Variants in WDFY4 observed in about 807,000 individuals in gnomAD.
The protein encoded by WDFY4 is WDFY family member 4.
A neutral mutation model predicts 351.9 loss-of-function variants in WDFY4; 169 were observed. That is an observed-to-expected ratio of 0.48 (90% CI 0.42 to 0.55). WDFY4 has a LOEUF of 0.55. Ranked by LOEUF, WDFY4 falls within the 20% of genes least tolerant of loss-of-function variation. The probability of loss-of-function intolerance (pLI) is 0.00; values close to 1 mark genes in which losing one functional copy is unlikely to be tolerated. For missense variants in WDFY4, 3,803 were observed against 3,935.6 expected (o/e 0.97, Z 0.90); for synonymous variants, 1,622 against 1,574.6 (o/e 1.03, Z -0.71).
Position 48,709,949 on chromosome 10 carries a change from C to T in WDFY4, c.217C>T (p.Leu73Phe). The change falls in exon 2 of 62, where the codon CTC (leucine) becomes TTC (phenylalanine). Residue 73 changes from leucine to phenylalanine, a missense_variant. Around this residue, in one of 3 missense-constraint regions of WDFY4, gnomAD observed 488 missense variants for 456.8 expected, o/e 1.07. Transcript: ENST00000325239. ...GCGTCAGAAGAGCCTGTTGAGTCTT[C>T]TCCCCCTATTCCTAAAGGTTAGTGT... is the stretch of plus-strand genomic sequence containing the variant. ...IERQKSLLSL[L>F]PLFLKAWEHS... is the part of the protein sequence containing the mutation. 6.4e-7 allele frequency: 1 copy of T among 1,551,776 alleles called. No individual in the cohort carries two copies. The highest frequency in any genetic ancestry group is 8.7e-7 in the Non-Finnish European group (1 of 1,146,830).
chr10:48,811,560 C>T lies in WDFY4; in HGVS notation c.5066C>T (p.Pro1689Leu), dbSNP rs1437126662. 27 of 1,552,182 alleles carry T rather than the reference C, an allele frequency of 1.7e-5. No individual in the cohort carries two copies. The Middle Eastern group carries it at 8.3e-4, about 48-fold the overall frequency. The change falls in exon 30 of 62, where the codon CCA becomes CTA. Residue 1689 changes from proline (P) to leucine (L), a missense_variant. Physicochemically the swap from Pro to Leu is moderately conservative, Grantham distance 98. Transcript: ENST00000325239. Reference sequence around the variant, plus strand: ...ATAGACAACCTGAAGAGCCAGTCACCACTGCCTGAGCAAAGCCCATGCCTG... The same window carrying T: ...ATAGACAACCTGAAGAGCCAGTCACTACTGCCTGAGCAAAGCCCATGCCTG... ...IVMDNLKSQS[P>L]LPEQSPCLLP...
chr10:48,727,404 T>G, intron 6 of WDFY4, 66 bp from the exon 7 acceptor site: 1 of 1,471,318 alleles, frequency 6.8e-7, no homozygotes, highest in East Asian at 2.5e-5. Context: ...GGGAGGTAGG[T>G]GGACCATGGC....
intron 35 of WDFY4, 138 bp downstream of exon 35, chr10:48,822,675 T>G: frequency 8.8e-7 from 1 of 1,136,606 alleles, no homozygotes; most frequent in Non-Finnish European, 1.2e-6. Flanking sequence ...AGGAGGCCCT[T>G]TAGTCCCAGG....
chr10:48,822,552 C>A lies in WDFY4; in HGVS notation c.5982+15C>A. The A allele has an allele frequency of 6.6e-7, 1 of 1,517,870 alleles. No individual in the cohort carries two copies. The highest frequency in any genetic ancestry group is 8.9e-7 in the Non-Finnish European group (1 of 1,126,076). The allele number at this position is 1,517,870 out of a possible 1,614,324, so 94.0% of individuals were successfully genotyped here. A position where few individuals can be genotyped will look rare whatever the true frequency, so the allele number is the denominator to read the frequency against. ...ACATCATGGTGGTAAGAGCTGCTCA[C>A]TGACCGGGTATCTGTGTGGATCTGA... On this transcript the variant is annotated intron_variant, in intron 35 of 61. Coordinates refer to ENST00000325239, the MANE Select transcript of WDFY4 (RefSeq NM_001394531.1).
Position 48,810,593 on chromosome 10 carries a change from C to T in WDFY4, c.4902C>T (p.His1634=), listed in dbSNP as rs1173947556. 5.2e-6 allele frequency: 8 copies of T among 1,551,602 alleles called. No homozygotes were observed. The South Asian group carries it at 8.3e-5, about 16-fold the overall frequency. ...PDWFLLLLQG[H]LHASTTVLAL... ...GGTTCCTGCTGCTCCTGCAGGGCCA[C>T]CTGCATGCCAGCACCACTGTGCTGG... is the stretch of plus-strand genomic sequence containing the variant. The change falls in exon 29 of 62, where the codon CAC becomes CAT. Residue 1634 remains histidine (H), a synonymous_variant. Transcript: ENST00000325239.
chr10:48,798,467 G>C (rs1278892431), intron 24 of WDFY4, among the ~76,000 whole-genome samples: 1 of 152,152 alleles, frequency 6.6e-6, no homozygotes, highest in Non-Finnish European at 1.5e-5. Flanking sequence ...ACAGAAGAAT[G>C]AGCAATTAGA....
intron 39 of WDFY4, among the ~76,000 whole-genome samples, chr10:48,860,927 T>TA (rs1334645653): frequency 1.3e-5 from 2 of 152,200 alleles, no homozygotes; most frequent in African/African-American, 4.8e-5. Flanking sequence ...GATTTTTTTT[T>TA]ATAGCCCAAG....
intron 13 of WDFY4, among the ~76,000 whole-genome samples, chr10:48,764,801 C>T (rs2065617128): frequency 6.6e-6 from 1 of 152,204 alleles, no homozygotes; most frequent in Admixed American, 6.5e-5. Context: ...GTCACAGGAC[C>T]TGTAATCTGG....
intron 39 of WDFY4, among the ~76,000 whole-genome samples, chr10:48,846,992 A>C (rs1465649250): frequency 6.6e-6 from 1 of 152,220 alleles, no homozygotes; most frequent in African/African-American, 2.4e-5. Context: ...CAGGTGCCTC[A>C]GTGCTAGGGG....
intron 39 of WDFY4, among the ~76,000 whole-genome samples, chr10:48,860,485 G>A (rs955572908): frequency 1.3e-5 from 2 of 152,118 alleles, no homozygotes; most frequent in Admixed American, 6.5e-5. Flanking sequence ...TTTCTTATGA[G>A]GACACTAATA....
At chr10:48,804,880 A>G (rs1233664688) in intron 25 of WDFY4, 3 of 653,988 alleles carry the variant, frequency 4.6e-6, no homozygotes, top group African/African-American at 4.0e-5. Context: ...ACAACCAGAC[A>G]AGCTAGTGAA....
At chr10:48,832,358 T>C (rs2068218657) in intron 38 of WDFY4, among the ~76,000 whole-genome samples, 1 of 152,246 alleles carries the variant, frequency 6.6e-6, no homozygotes, top group Non-Finnish European at 1.5e-5. Flanking sequence ...GCTAGGAGTT[T>C]AGGCTAAGTC....
At chr10:48,828,371 T>A (rs1261070461) in intron 36 of WDFY4, among the ~76,000 whole-genome samples, 1 of 152,200 alleles carries the variant, frequency 6.6e-6, no homozygotes, top group African/African-American at 2.4e-5. Flanking sequence ...CCTGTGTAAT[T>A]GCACAGGTTG....
chr10:48,935,045 T>C (rs1007959046), intron 47 of WDFY4: 3 of 152,228 alleles, frequency 2.0e-5, no homozygotes, highest in South Asian at 2.1e-4. Flanking sequence ...TAAAGCATAC[T>C]GGGAAAACAG....
intron 43 of WDFY4, among the ~76,000 whole-genome samples, chr10:48,888,262 C>T (rs1379355197): frequency 7.2e-6 from 1 of 138,610 alleles, no homozygotes; most frequent in Non-Finnish European, 1.6e-5. Flanking sequence ...CCCCTCCCCT[C>T]CCCTCCTTTC....
intron 39 of WDFY4, among the ~76,000 whole-genome samples, chr10:48,856,478 T>C (rs1441343074): frequency 6.6e-6 from 1 of 152,146 alleles, no homozygotes; most frequent in Non-Finnish European, 1.5e-5. Context: ...TCTTTTTTTC[T>C]TCTTCTTTTA....
At chr10:48,928,648 G>T (rs1459085890) in intron 47 of WDFY4, among the ~76,000 whole-genome samples, 1 of 152,178 alleles carries the variant, frequency 6.6e-6, no homozygotes, top group Non-Finnish European at 1.5e-5. Flanking sequence ...CTCCTCACAT[G>T]GAATTCTTTC....
At chr10:48,804,046 G>C (rs1014454788) in intron 25 of WDFY4, among the ~76,000 whole-genome samples, 2 of 152,242 alleles carry the variant, frequency 1.3e-5, no homozygotes, top group Non-Finnish European at 2.9e-5. Context: ...ATTGGACTGA[G>C]TCTCATTGAG....
At chr10:48,945,884 T>C (rs752391646) in intron 49 of WDFY4, among the ~76,000 whole-genome samples, 156 bp from the exon 50 acceptor site, 11 of 152,220 alleles carry the variant, frequency 7.2e-5, no homozygotes, top group Non-Finnish European at 1.5e-4. Context: ...TCACTGGCTC[T>C]GGGGCCATAA....
Sources: gnomAD v4.1 joint callset for allele counts (sites outside exome capture counted in the v4.1 genomes callset) on GRCh38, gnomAD v4.1.1 for gene constraint, gnomAD v4.1.1 regional missense constraint, MANE v1.5 for transcripts, NCBI Gene and HGNC (gene_info 2026-07-23, HGNC 2026-07-21) for gene names.